KIAA1217: variants seen among roughly 807,000 people sequenced by gnomAD.
KIAA1217 encodes KIAA1217.
A neutral mutation model predicts 163.9 loss-of-function variants in KIAA1217; 88 were observed. The observed-to-expected ratio is 0.54, with a 90% CI of 0.45 to 0.64. The LOEUF (loss-of-function observed/expected upper bound fraction) is 0.64, where lower values mean the gene tolerates loss of function less well. Among genes scored for constraint, KIAA1217 ranks in the 30% least tolerant of loss-of-function variants. The pLI, the probability that KIAA1217 is intolerant of heterozygous loss-of-function variation, is 0.00. For missense variants in KIAA1217, 2,372 were observed against 2,475.0 expected (o/e 0.96, Z 0.88); for synonymous variants, 903 against 923.1 (o/e 0.98, Z 0.39).
At chr10:24,039,288 T>A (rs553654992) in intron 2 of KIAA1217, among the ~76,000 whole-genome samples, 2 of 152,206 alleles carry the variant, frequency 1.3e-5, no homozygotes, top group East Asian at 3.9e-4. Flanking sequence ...ATTCTGTTGA[T>A]ATACACACAG....
Position 24,442,477 on chromosome 10 carries a change from A to G in KIAA1217, c.846+3998A>G, listed in dbSNP as rs72776776. On this transcript the variant is annotated intron_variant, in intron 5 of 20. Transcript: ENST00000376454. Reference sequence around the variant, plus strand: ...TTGAAGCCATATCCCTAACTCTGCCATCTCTAGAATTCAAGACCCAAATGT... The same window carrying G: ...TTGAAGCCATATCCCTAACTCTGCCGTCTCTAGAATTCAAGACCCAAATGT... Among the ~76,000 whole-genome samples, 909 of 152,306 alleles carry G rather than the reference A, an allele frequency of 6.0e-3. 5 individuals carry two copies. Among genetic ancestry groups the G allele is most frequent in the Non-Finnish European group, 0.011 (725 of 68,036 alleles).
intron 2 of KIAA1217, among the ~76,000 whole-genome samples, chr10:24,121,124 T>A (rs2063266272): frequency 6.6e-6 from 1 of 152,220 alleles, no homozygotes; most frequent in Non-Finnish European, 1.5e-5. Flanking sequence ...CATTCAGCTG[T>A]CTAGCTTCCA....
Position 23,807,525 on chromosome 10 carries a change from A to T in KIAA1217, c.-321+112291A>T, listed in dbSNP as rs528423220. On this transcript the variant is annotated intron_variant, in intron 1 of 18. Coordinates refer to the KIAA1217 transcript ENST00000376462. Reference sequence around the variant, plus strand: ...GTTTAGAAGCCAGAATCCTACCTGGATGTGAAGTTTATAAAACAGTCAGAT... The same window carrying T: ...GTTTAGAAGCCAGAATCCTACCTGGTTGTGAAGTTTATAAAACAGTCAGAT... 3.3e-5 allele frequency among the ~76,000 whole-genome samples: 5 copies of T among 152,340 alleles called. No homozygotes were observed. The East Asian group carries it at 9.7e-4, about 29-fold the overall frequency.
At chr10:23,881,429 T>C (rs1456564297) in intron 1 of KIAA1217, among the ~76,000 whole-genome samples, 1 of 151,984 alleles carries the variant, frequency 6.6e-6, no homozygotes, top group African/African-American at 2.4e-5. Flanking sequence ...ACTTTTTAAA[T>C]ATTTATGCTT....
chr10:23,779,345 A>T (rs117441203), intron 1 of KIAA1217, among the ~76,000 whole-genome samples: 2,394 of 152,210 alleles, frequency 0.016, 24 homozygotes, highest in Non-Finnish European at 0.023. Context: ...TTCTTTCTTC[A>T]TCGTCTCCCT....
chr10:23,714,626 A>T (rs1837459911), intron 1 of KIAA1217, among the ~76,000 whole-genome samples: 1 of 152,112 alleles, frequency 6.6e-6, no homozygotes, highest in Non-Finnish European at 1.5e-5. Context: ...TGGACTAAAG[A>T]TGACTACAAA....
chr10:23,770,585 A>T (rs1834749754), intron 1 of KIAA1217, among the ~76,000 whole-genome samples: 1 of 152,158 alleles, frequency 6.6e-6, no homozygotes, highest in Non-Finnish European at 1.5e-5. Context: ...ACCCTGGAAG[A>T]GTGATTATAT....
At chr10:24,430,592 G>A (rs201451269) in intron 3 of KIAA1217, among the ~76,000 whole-genome samples, 4 of 152,068 alleles carry the variant, frequency 2.6e-5, no homozygotes, top group East Asian at 3.9e-4. Context: ...ATCAGTGGAA[G>A]CCCTGAGCTT....
chr10:24,533,325 GC>G, intron 16 of KIAA1217, 88 bp downstream of exon 16: 1 of 1,346,056 alleles, frequency 7.4e-7, no homozygotes, highest in Non-Finnish European at 1.0e-6. Context: ...TAGCGAGAAG[GC>G]CAGGGAAGCG....
intron 2 of KIAA1217, among the ~76,000 whole-genome samples, chr10:24,060,638 A>AT (rs1044445618): frequency 6.6e-6 from 1 of 151,994 alleles, no homozygotes. Context: ...CTACAAAAAA[A>AT]TTTTTTTATG....
chr10:24,431,908 G>A (rs1298250192), intron 3 of KIAA1217, among the ~76,000 whole-genome samples: 1 of 152,038 alleles, frequency 6.6e-6, no homozygotes, highest in Non-Finnish European at 1.5e-5. Flanking sequence ...ATTCTAGCAC[G>A]ATATGAACAT....
chr10:23,988,050 T>A (rs1311294087), intron 1 of KIAA1217, among the ~76,000 whole-genome samples: 1 of 144,514 alleles, frequency 6.9e-6, no homozygotes, highest in East Asian at 2.0e-4. Context: ...TTTTATTTTT[T>A]TTTAAAAAGC....
intron 1 of KIAA1217, among the ~76,000 whole-genome samples, chr10:23,975,315 A>T (rs1365798974): frequency 6.6e-6 from 1 of 152,024 alleles, no homozygotes; most frequent in Non-Finnish European, 1.5e-5. Context: ...ATCTCGTTTC[A>T]GGGAAATGCT....
chr10:24,241,829 C>A (rs920000874), intron 2 of KIAA1217, among the ~76,000 whole-genome samples: 1 of 152,184 alleles, frequency 6.6e-6, no homozygotes, highest in Non-Finnish European at 1.5e-5. Flanking sequence ...GTTTTCTTAA[C>A]AATTTTTCCA....
chr10:24,114,958 G>A (rs1589551489), intron 2 of KIAA1217, among the ~76,000 whole-genome samples: 5 of 152,268 alleles, frequency 3.3e-5, no homozygotes, highest in Admixed American at 3.3e-4. Flanking sequence ...CTAGCTCACT[G>A]CTCAACTGGT....
chr10:23,819,381 G>A (rs952130714), intron 1 of KIAA1217, among the ~76,000 whole-genome samples: 9 of 152,212 alleles, frequency 5.9e-5, no homozygotes, highest in African/African-American at 2.2e-4. Context: ...AGGGGAGATA[G>A]CTGGAATTCA....
chr10:24,067,287 G>T (rs2060989999), intron 2 of KIAA1217, among the ~76,000 whole-genome samples: 2 of 152,152 alleles, frequency 1.3e-5, no homozygotes, highest in South Asian at 2.1e-4. Context: ...TCTACCTTTT[G>T]TCTTTGATGA....
intron 1 of KIAA1217, among the ~76,000 whole-genome samples, chr10:23,993,192 C>T (rs556715462): frequency 3.3e-5 from 5 of 151,836 alleles, no homozygotes; most frequent in East Asian, 1.9e-4. Context: ...CCACCACACC[C>T]GGCTAATTTT....
At chr10:24,266,433 C>T (rs2076246175) in intron 2 of KIAA1217, among the ~76,000 whole-genome samples, 2 of 152,288 alleles carry the variant, frequency 1.3e-5, no homozygotes, top group Non-Finnish European at 2.9e-5. Context: ...TTCTCCTTCC[C>T]TGATACCATT....
Sources: gnomAD v4.1 joint callset for allele counts (sites outside exome capture counted in the v4.1 genomes callset) on GRCh38, gnomAD v4.1.1 for gene constraint, MANE v1.5 for transcripts, NCBI Gene and HGNC (gene_info 2026-07-23, HGNC 2026-07-21) for gene names.